QSER1: variants seen among roughly 807,000 people sequenced by gnomAD.
QSER1 encodes the protein glutamine and serine-rich protein 1.
Under a neutral mutation model 158.5 loss-of-function variants are expected in QSER1, and 49 were observed. The observed-to-expected ratio is 0.31, with a 90% CI of 0.25 to 0.39. QSER1 has a LOEUF of 0.39. Ranked by LOEUF, QSER1 falls within the 10% of genes least tolerant of loss-of-function variation. The pLI is 1.00. For missense variants in QSER1, 1,754 were observed against 2,010.3 expected, an observed-to-expected ratio of 0.87 and a Z score of 2.44; for synonymous variants, 650 against 715.5, an observed-to-expected ratio of 0.91 and a Z score of 1.46.
At chr11:32,921,930 T>A (rs1201662861) in intron 1 of QSER1, among the ~76,000 whole-genome samples, 1 of 152,158 alleles carries the variant, frequency 6.6e-6, no homozygotes, top group Non-Finnish European at 1.5e-5. Flanking sequence ...AACACTATAG[T>A]CAAGAAATAG....
intron 1 of QSER1, among the ~76,000 whole-genome samples, chr11:32,908,469 A>G (rs1851721755): frequency 6.6e-6 from 1 of 152,166 alleles, no homozygotes; most frequent in African/African-American, 2.4e-5. Context: ...GTTTTTTAAT[A>G]TACTCTGCCA....
At chr11:32,947,728 A>G (rs919264882) in intron 4 of QSER1, among the ~76,000 whole-genome samples, 8 of 152,170 alleles carry the variant, frequency 5.3e-5, no homozygotes, top group Non-Finnish European at 7.3e-5. Context: ...TTCCTGAGAA[A>G]GGTGTGTTAA....
At chr11:32,969,231 C>G in intron 10 of QSER1, 88 bp downstream of exon 10, 1 of 833,366 alleles carries the variant, frequency 1.2e-6, no homozygotes, top group Non-Finnish European at 1.9e-6. Context: ...AAATTATTCA[C>G]TTACAACATT....
intron 1 of QSER1, among the ~76,000 whole-genome samples, chr11:32,923,403 G>A (rs1007757343): frequency 6.6e-6 from 1 of 152,222 alleles, no homozygotes; most frequent in African/African-American, 2.4e-5. Context: ...GCTGGGCACA[G>A]TGGCTCACGC....
At chr11:32,916,818 G>C (rs1008584846) in intron 1 of QSER1, among the ~76,000 whole-genome samples, 1 of 149,070 alleles carries the variant, frequency 6.7e-6, no homozygotes, top group Non-Finnish European at 1.5e-5. Context: ...TCAGAGTCTC[G>C]CTCTGTTGCC....
At position 32,941,339 on chromosome 11, in the gene QSER1, C is replaced by T. The variant is rs556183278; in HGVS notation, c.4177+5904C>T. ...TGCTGGTGTGCTGCACCCACTAACT[C>T]GTCATTTAGCATTAGGTATATCTCC... On this transcript the variant is annotated intron_variant, in intron 4 of 12. Transcript: ENST00000650167. 2.3e-3 allele frequency among the ~76,000 whole-genome samples: 347 copies of T among 149,376 alleles called. 3 individuals are homozygous for T. Among genetic ancestry groups the T allele is most frequent in the African/African-American group, 8.3e-3 (337 of 40,396 alleles).
rs558750302 is a variant in QSER1, at chr11:32,898,394, G to T, written c.209+5060G>T. ...CCAGCTACTCTGGAGGCTGGGGTGG[G>T]AGGATGGCTTGAGCCTGGGAGGTGG... On this transcript the variant is annotated intron_variant, in intron 1 of 12. Transcript: ENST00000650167. Among the ~76,000 whole-genome samples the T allele has an allele frequency of 3.9e-5, 6 of 152,130 alleles. No homozygotes were observed. The East Asian group carries it at 1.2e-3, about 29-fold the overall frequency.
chr11:32,927,455 T>G (rs188001154), intron 2 of QSER1, among the ~76,000 whole-genome samples, 186 bp downstream of exon 2: 1 of 152,356 alleles, frequency 6.6e-6, no homozygotes, highest in Non-Finnish European at 1.5e-5. Context: ...TCGGCCAGGC[T>G]GGAGTGCAGT....
Position 32,928,111 on chromosome 11 carries a change from T to G in QSER1, c.472T>G (p.Ser158Ala), listed in dbSNP as rs777791072. ...TCTCTTACCACAATTCAGGGCTCCA[T>G]CCTGGCAGACAGGTGATTTTCTGTT... ...TTLLPQFRAP[S>A]WQTGMHSSAA... is the part of the protein sequence containing the mutation. The change falls in exon 3 of 13, where the codon TCC (serine) becomes GCC (alanine). Residue 158 changes from serine to alanine, a missense_variant. This residue lies in a region of QSER1 where 1,707 missense variants were observed against 1,919.6 expected (regional missense o/e 0.89). Transcript: ENST00000650167. 1.9e-6 allele frequency: 3 copies of G among 1,608,622 alleles called. No individual in the cohort carries two copies. The African/African-American group carries it at 4.0e-5, about 21-fold the overall frequency.
At position 32,933,506 on chromosome 11, in the gene QSER1, G is replaced by A. The variant is rs752043886; in HGVS notation, c.2248G>A (p.Val750Ile). The change falls in exon 4 of 13, where the codon GTT becomes ATT. Residue 750 changes from valine (V) to isoleucine (I), a missense_variant. Val to Ile is a conservative substitution (Grantham distance 29). Transcript: ENST00000650167. ...IRSNSRLEDQ[V>I]IGVALQASKK... ...AAGTAATTCCCGTCTTGAAGATCAA[G>A]TTATTGGGGTTGCTCTGCAAGCATC... 6.2e-7 allele frequency: 1 copy of A among 1,612,350 alleles called. No homozygotes were observed.
In QSER1 at chr11:32,933,400, A is replaced by C. The variant is rs747497538; in HGVS notation, c.2142A>C (p.Leu714=). ...QASLESSTQR[L]SDGEINAQES... is the part of the protein sequence containing the mutation. ...CTCTTGAGTCATCAACCCAAAGGCT[A>C]TCTGATGGAGAAATTAATGCTCAAG... The change falls in exon 4 of 13, where the codon CTA becomes CTC. Residue 714 remains leucine (L), a synonymous_variant. Coordinates refer to ENST00000650167, the MANE Select transcript of QSER1 (RefSeq NM_001076786.3). The C allele has an allele frequency of 6.2e-7, 1 of 1,613,894 alleles. No homozygotes were observed. Among genetic ancestry groups the C allele is most frequent in the South Asian group, 1.1e-5 (1 of 91,036 alleles).
intron 8 of QSER1, among the ~76,000 whole-genome samples, chr11:32,960,543 A>G (rs1157219843): frequency 6.6e-6 from 1 of 152,208 alleles, no homozygotes. Flanking sequence ...TTGGGCAACA[A>G]GAGCGAAACT....
intron 4 of QSER1, among the ~76,000 whole-genome samples, chr11:32,943,916 T>C (rs1429947581): frequency 1.3e-5 from 2 of 151,224 alleles, no homozygotes; most frequent in Non-Finnish European, 3.0e-5. Flanking sequence ...TTTCAGATCC[T>C]GTTATTGGTC....
intron 1 of QSER1, among the ~76,000 whole-genome samples, chr11:32,894,008 G>C (rs1237623200): frequency 6.6e-6 from 1 of 151,186 alleles, no homozygotes; most frequent in Admixed American, 6.6e-5. Context: ...TTTAACAACA[G>C]CAGGAAGTAA....
At chr11:32,967,773 T>C (rs1256355638) in intron 9 of QSER1, among the ~76,000 whole-genome samples, 1 of 152,222 alleles carries the variant, frequency 6.6e-6, no homozygotes, top group East Asian at 1.9e-4. Flanking sequence ...TAAAGTCTTC[T>C]AATTTCTGGT....
At chr11:32,947,361 T>C (rs1852353547) in intron 4 of QSER1, among the ~76,000 whole-genome samples, 1 of 152,256 alleles carries the variant, frequency 6.6e-6, no homozygotes, top group Admixed American at 6.5e-5. Context: ...GGTCCATTTT[T>C]ATAGATATTC....
intron 11 of QSER1, among the ~76,000 whole-genome samples, chr11:32,974,330 G>A (rs937805118): frequency 2.6e-5 from 4 of 152,044 alleles, no homozygotes; most frequent in Admixed American, 2.6e-4. Flanking sequence ...GAGAAGCTGA[G>A]TGGGAGGATC....
intron 3 of QSER1, among the ~76,000 whole-genome samples, chr11:32,931,004 A>G (rs1852037630): frequency 6.6e-6 from 1 of 152,112 alleles, no homozygotes; most frequent in South Asian, 2.1e-4. Flanking sequence ...TTTAAAGTGA[A>G]TATATTTTGG....
At position 32,978,567 on chromosome 11, in the gene QSER1, C is replaced by T. The variant is rs1443309465; in HGVS notation, c.*2093C>T. 6.6e-6 allele frequency: 1 copy of T among 152,128 alleles called. No individual in the cohort carries two copies. The highest frequency in any genetic ancestry group is 6.6e-5 in the Admixed American group (1 of 15,258). The allele number at this position is 152,128 out of a possible 1,614,324, so 9.4% of individuals were successfully genotyped here. On this transcript the variant is annotated 3_prime_UTR_variant, in exon 13 of 13. Coordinates refer to ENST00000650167, the MANE Select transcript of QSER1 (RefSeq NM_001076786.3). ...TAGCCACATTTTCTTCATGATATGC[C>T]TCGTGGCAAACAAAGATGTTTCCTT...
Sources: allele counts gnomAD v4.1 joint callset (sites outside exome capture counted in the v4.1 genomes callset), GRCh38; gene constraint gnomAD v4.1.1; regional missense constraint gnomAD v4.1.1; transcripts MANE v1.5; gene names NCBI Gene and HGNC (gene_info 2026-07-23, HGNC 2026-07-21).